Variants in BHMT2 observed in about 807,000 individuals in gnomAD.
BHMT2 encodes betaine--homocysteine S-methyltransferase 2.
A neutral mutation model predicts 39.0 loss-of-function variants in BHMT2; 28 were observed. That is an observed-to-expected ratio of 0.72 (90% CI 0.53 to 0.98). The LOEUF (loss-of-function observed/expected upper bound fraction) is 0.98, where lower values mean the gene tolerates loss of function less well. Among genes scored for constraint, BHMT2 ranks in the 50% least tolerant of loss-of-function variants. BHMT2 has a pLI of 0.00. For missense variants in BHMT2, 410 were observed against 455.6 expected, an observed-to-expected ratio of 0.90 and a Z score of 0.91; for synonymous variants, 145 against 160.6, an observed-to-expected ratio of 0.90 and a Z score of 0.74.
chr5:79,077,692 T>C (rs1755698798), intron 2 of BHMT2, 80 bp downstream of exon 2: 1 of 1,507,290 alleles, frequency 6.6e-7, no homozygotes, highest in Non-Finnish European at 9.0e-7. Context: ...AAGAAAAAAA[T>C]AACAACTGTT....
rs1266329873 is a variant in BHMT2 at position 79,089,088 on chromosome 5, AT to A, written c.*515del. 6.6e-6 allele frequency: 1 copy of A among 152,320 alleles called. No homozygotes were observed. The highest frequency in any genetic ancestry group is 1.5e-5 in the Non-Finnish European group (1 of 68,138). 9.4% of individuals were successfully genotyped at this position (152,320 alleles called of 1,614,324 possible). On this transcript the variant is annotated 3_prime_UTR_variant, in exon 8 of 8. Transcript: ENST00000255192. ...AAAGATGTAAAGAATGTTTTGAGCA[AT>A]GGTAGCATTATTGAAATAAATGTTT...
rs779556850 is a variant in BHMT2 at position 79,082,798 on chromosome 5, ATT to A, written c.451-9_451-8del. 1.6e-5 allele frequency: 26 copies of A among 1,612,804 alleles called. No homozygotes were observed. The highest frequency in any genetic ancestry group is 8.5e-7 in the Non-Finnish European group (1 of 1,179,496). On this transcript the variant is annotated splice_polypyrimidine_tract_variant and intron_variant, in intron 4 of 7. Coordinates refer to ENST00000255192, the MANE Select transcript of BHMT2 (RefSeq NM_017614.5). ...TGTTTGGACCAGTAGAAAAAGTGAC[ATT>A]TCTCTTAGTATTTTGAGCACGTTGA...
At position 79,089,731 on chromosome 5, in the gene BHMT2, C is replaced by A. The variant is rs188573604; in HGVS notation, c.*1157C>A. Among the ~76,000 whole-genome samples, 35 of 152,308 alleles carry A rather than the reference C, an allele frequency of 2.3e-4. No individual in the cohort carries two copies. Among genetic ancestry groups the A allele is most frequent in the Admixed American group, 2.0e-3 (31 of 15,302 alleles). On this transcript the variant is annotated 3_prime_UTR_variant, in exon 8 of 8. Coordinates refer to ENST00000255192, the MANE Select transcript of BHMT2 (RefSeq NM_017614.5). ...CCTATAATCCCAGCACTTTGGGAGGCCAGGGCGGGCAGATCACTTGGGTCA... is the reference window on the plus strand; with the variant it reads ...CCTATAATCCCAGCACTTTGGGAGGACAGGGCGGGCAGATCACTTGGGTCA...
intron 1 of BHMT2, chr5:79,071,320 T>A (rs754557380): frequency 6.6e-6 from 1 of 150,458 alleles, no homozygotes; most frequent in Non-Finnish European, 1.5e-5. Context: ...GGGAAGTTAT[T>A]TTAGACAGAC....
intron 2 of BHMT2, 192 bp downstream of exon 2, chr5:79,077,804 A>C (rs1755700742): frequency 1.8e-6 from 1 of 548,338 alleles, no homozygotes; most frequent in South Asian, 2.4e-5. Context: ...TCTCTCATAC[A>C]CACACCTACC....
intron 7 of BHMT2, 150 bp from the exon 8 acceptor site, chr5:79,088,343 T>G (rs888076899): frequency 1.1e-4 from 57 of 537,432 alleles, no homozygotes; most frequent in African/African-American, 9.7e-4. Context: ...AGCCTGATTA[T>G]CCACCAAGTT....
At position 79,070,692 on chromosome 5, in the gene BHMT2, C is replaced by T. The variant is rs375152476; in HGVS notation, c.33+877C>T. On this transcript the variant is annotated intron_variant, in intron 1 of 7. Coordinates refer to ENST00000255192, the MANE Select transcript of BHMT2 (RefSeq NM_017614.5). ...TAAAAAGTTAGAAACGACCAAGATA[C>T]TCTGCAATACGGGATTCTAAATAAA... Among the ~76,000 whole-genome samples the T allele has an allele frequency of 2.6e-5, 4 of 152,274 alleles. No individual in the cohort carries two copies. In the East Asian group the frequency reaches 7.7e-4, roughly 29 times the overall value.
At chr5:79,084,658 ATGTGCAT>A (rs1166947260) in intron 7 of BHMT2, among the ~76,000 whole-genome samples, 1 of 152,200 alleles carries the variant, frequency 6.6e-6, no homozygotes, top group Admixed American at 6.5e-5. Context: ...AGGTTTCAAC[ATGTGCAT>A]TGTGGGGACA....
At chr5:79,086,094 G>T (rs1229600262) in intron 7 of BHMT2, among the ~76,000 whole-genome samples, 1 of 152,186 alleles carries the variant, frequency 6.6e-6, no homozygotes, top group Non-Finnish European at 1.5e-5. Context: ...TTCTGACTGT[G>T]ACTTCTGCCT....
intron 1 of BHMT2, among the ~76,000 whole-genome samples, chr5:79,074,081 G>A (rs56190912): frequency 1.7e-4 from 26 of 152,322 alleles, no homozygotes; most frequent in African/African-American, 5.5e-4. Context: ...GAAGCCAACA[G>A]TTCAATAGTG....
Position 79,077,608 on chromosome 5 carries a change from C to T in BHMT2, c.162C>T (p.Asp54=), listed in dbSNP as rs682985. 0.59 allele frequency: 947,474 copies of T among 1,612,500 alleles called. 284,133 individuals are homozygous for T. The highest frequency in any genetic ancestry group is 0.61 in the Non-Finnish European group (724,203 of 1,179,168). The change falls in exon 2 of 8, where the codon GAC becomes GAT. Residue 54 remains aspartate (D), a synonymous_variant. Coordinates refer to ENST00000255192, the MANE Select transcript of BHMT2 (RefSeq NM_017614.5). The part of the protein sequence containing the change: ...WTPEAVIEHP[D]AVRQLHMEFL... The stretch of plus-strand genomic sequence containing the variant: ...CAGAGGCAGTGATAGAACACCCAGA[C>T]GCAGGTTGGTGTCCACATCCCCAAG...
chr5:79,073,644 T>G (rs2112693479), intron 1 of BHMT2, among the ~76,000 whole-genome samples: 1 of 152,342 alleles, frequency 6.6e-6, no homozygotes, highest in Middle Eastern at 3.4e-3. Context: ...ATATTAACAT[T>G]TCTTCTGCAT....
chr5:79,088,474 TG>T lies in BHMT2; in HGVS notation c.1011-18del. 1 of 1,603,614 alleles carries T rather than the reference TG, an allele frequency of 6.2e-7. No individual in the cohort carries two copies. The highest frequency in any genetic ancestry group is 8.5e-7 in the Non-Finnish European group (1 of 1,172,328). Reference sequence around the variant, plus strand: ...GGTAAGACTTTTAATTAATTAATTATGTATATATTGAAACACAGGGCTCGAA... The same window carrying T: ...GGTAAGACTTTTAATTAATTAATTATTATATATTGAAACACAGGGCTCGAA... On this transcript the variant is annotated intron_variant, in intron 7 of 7. Coordinates refer to ENST00000255192, the MANE Select transcript of BHMT2 (RefSeq NM_017614.5).
Position 79,083,689 on chromosome 5 carries a change from C to G in BHMT2, c.843C>G (p.Asn281Lys), listed in dbSNP as rs367660492. Residue 281 changes from asparagine (N) to lysine (K), a missense_variant, in exon 7 of 8, where the codon AAC (asparagine) becomes AAG (lysine). Asn to Lys is a moderately conservative substitution (Grantham distance 94). Coordinates refer to ENST00000255192, the MANE Select transcript of BHMT2 (RefSeq NM_017614.5). ...AAAAATACGCCAGAGAGGCCTACAA[C>G]CTGGGGGTCAGGTACATTGGCGGGT... The part of the protein sequence containing the change: ...DIQKYAREAY[N>K]LGVRYIGGCC... 67 of 1,613,958 alleles carry G rather than the reference C, an allele frequency of 4.2e-5. No individual in the cohort carries two copies. The highest frequency in any genetic ancestry group is 5.6e-5 in the Non-Finnish European group (66 of 1,180,014).
Position 79,080,901 on chromosome 5 carries a change from A to G in BHMT2, c.450+23A>G, listed in dbSNP as rs1325879711. On this transcript the variant is annotated intron_variant, in intron 4 of 7. Transcript: ENST00000255192. Reference sequence around the variant, plus strand: ...GAGGTGAGGCTAGTATTGGAGGAAAAGGATTGAACCTATTTTGCAAGCATA... The same window carrying G: ...GAGGTGAGGCTAGTATTGGAGGAAAGGGATTGAACCTATTTTGCAAGCATA... 5.2e-6 allele frequency: 8 copies of G among 1,536,330 alleles called. No homozygotes were observed. In the East Asian group the frequency reaches 1.9e-4, roughly 37 times the overall value.
intron 7 of BHMT2, among the ~76,000 whole-genome samples, chr5:79,087,590 A>G (rs1283420282): frequency 1.3e-5 from 2 of 152,176 alleles, no homozygotes; most frequent in Admixed American, 6.5e-5. Flanking sequence ...ACATCTCATC[A>G]TCCAAAAATA....
In BHMT2 at chr5:79,077,338, T is replaced by C. The variant is rs59793936; in HGVS notation, c.34-142T>C. 1,299 of 1,133,566 alleles carry C rather than the reference T, an allele frequency of 1.1e-3. 14 individuals carry two copies. The highest frequency in any genetic ancestry group is 0.011 in the East Asian group (428 of 38,842). 70.2% of individuals were successfully genotyped at this position (1,133,566 alleles called of 1,614,324 possible). Reference sequence around the variant, plus strand: ...CAAGAAATATGGTATGCTCAATCTTTCTGAAATATTATTAGAGCACATGAT... The same window carrying C: ...CAAGAAATATGGTATGCTCAATCTTCCTGAAATATTATTAGAGCACATGAT... On this transcript the variant is annotated intron_variant, in intron 1 of 7. Coordinates refer to ENST00000255192, the MANE Select transcript of BHMT2 (RefSeq NM_017614.5).
intron 7 of BHMT2, among the ~76,000 whole-genome samples, chr5:79,085,634 A>G (rs2112704798): frequency 6.6e-6 from 1 of 152,340 alleles, no homozygotes; most frequent in East Asian, 1.9e-4. Flanking sequence ...GTGAGCCAAG[A>G]TTGTGCCACT....
intron 6 of BHMT2, 54 bp downstream of exon 6, chr5:79,083,428 T>G: frequency 6.5e-7 from 1 of 1,532,712 alleles, no homozygotes; most frequent in Non-Finnish European, 8.7e-7. Context: ...AAAATCCAAA[T>G]GGCTATAATA....
Sources: gnomAD v4.1 joint callset for allele counts (sites outside exome capture counted in the v4.1 genomes callset) on GRCh38, gnomAD v4.1.1 for gene constraint, MANE v1.5 for transcripts, NCBI Gene and HGNC (gene_info 2026-07-23, HGNC 2026-07-21) for gene names.